Variants in IFT57 observed in about 807,000 individuals in gnomAD.
The protein encoded by IFT57 is intraflagellar transport 57, also known as intraflagellar transport protein 57 homolog.
In IFT57, 59 loss-of-function variants were observed where a neutral mutation model predicts 56.8. That is an observed-to-expected ratio of 1.04 (90% CI 0.84 to 1.29). The LOEUF is 1.29. Ranked by LOEUF, IFT57 falls within the 50% of genes most tolerant of loss-of-function variation. The pLI, the probability that IFT57 is intolerant of heterozygous loss-of-function variation, is 0.00. For missense variants in IFT57, 470 were observed against 522.1 expected (o/e 0.90, Z 0.97); for synonymous variants, 209 against 186.1 (o/e 1.12, Z -1.00).
intron 6 of IFT57, among the ~76,000 whole-genome samples, chr3:108,181,811 T>G (rs770243794): frequency 4.6e-5 from 7 of 152,100 alleles, no homozygotes; most frequent in Non-Finnish European, 8.8e-5. Flanking sequence ...ACCGACTTAT[T>G]GCCACCTGTA....
At chr3:108,215,537 T>C (rs1348010948) in intron 3 of IFT57, among the ~76,000 whole-genome samples, 2 of 152,088 alleles carry the variant, frequency 1.3e-5, no homozygotes, top group Admixed American at 1.3e-4. Context: ...GACCCTGTCT[T>C]AAAAACGAAA....
intron 4 of IFT57, among the ~76,000 whole-genome samples, chr3:108,208,029 C>A (rs2080322760): frequency 7.0e-6 from 1 of 142,172 alleles, no homozygotes; most frequent in African/African-American, 2.7e-5. Context: ...GGCGACAGAG[C>A]GAGACTCCGT....
chr3:108,218,844 AC>A (rs1445174928), intron 2 of IFT57, among the ~76,000 whole-genome samples, 191 bp from the exon 3 acceptor site: 1 of 152,168 alleles, frequency 6.6e-6, no homozygotes, highest in African/African-American at 2.4e-5. Flanking sequence ...ATACTCAAAG[AC>A]TTTTATTGTT....
At chr3:108,198,896 C>T (rs1381252453) in intron 5 of IFT57, among the ~76,000 whole-genome samples, 3 of 152,114 alleles carry the variant, frequency 2.0e-5, no homozygotes, top group Admixed American at 1.3e-4. Context: ...CAGTTTTCCT[C>T]ACTGATTTGC....
rs1402826451 is a variant in IFT57 at position 108,167,793 on chromosome 3, C to T, written c.849G>A (p.Lys283=). Residue 283 remains lysine, a splice_region_variant and synonymous_variant, in exon 7 of 11, where the codon AAG becomes AAA. Transcript: ENST00000264538. ...SGIESALKET[K]GFLDKLHNEI... ...GATTCACGTAAAGTAATTCATATAC[C>T]TTGGTCTCCTTTAGAGCAGATTCAA... The T allele has an allele frequency of 1.9e-6, 3 of 1,557,398 alleles. No individual in the cohort carries two copies. Among genetic ancestry groups the T allele is most frequent in the African/African-American group, 2.8e-5 (2 of 72,432 alleles).
chr3:108,177,913 AATT>A, intron 6 of IFT57, among the ~76,000 whole-genome samples: 1 of 151,988 alleles, frequency 6.6e-6, no homozygotes, highest in Non-Finnish European at 1.5e-5. Context: ...CGAATGACAT[AATT>A]ATAAATCAGA....
intron 4 of IFT57, among the ~76,000 whole-genome samples, chr3:108,209,935 T>TGTGC: frequency 6.6e-6 from 1 of 152,046 alleles, no homozygotes; most frequent in Middle Eastern, 3.4e-3. Context: ...TGTGTGTGTG[T>TGTGC]GTACCTCCTA....
intron 9 of IFT57, among the ~76,000 whole-genome samples, chr3:108,164,921 A>G (rs13318436): frequency 0.096 from 14,624 of 151,822 alleles, 769 homozygotes; most frequent in Middle Eastern, 0.12. Context: ...ATCAGGTCCT[A>G]CCTCTCTTGC....
At chr3:108,179,927 A>G (rs2080143410) in intron 6 of IFT57, among the ~76,000 whole-genome samples, 1 of 151,938 alleles carries the variant, frequency 6.6e-6, no homozygotes, top group Non-Finnish European at 1.5e-5. Context: ...TATGTGTGGT[A>G]TATATTGTGG....
intron 6 of IFT57, among the ~76,000 whole-genome samples, chr3:108,175,350 T>C (rs2080118576): frequency 6.6e-6 from 1 of 151,830 alleles, no homozygotes; most frequent in Non-Finnish European, 1.5e-5. Flanking sequence ...TGAAATCACA[T>C]GTATAATGCT....
intron 5 of IFT57, among the ~76,000 whole-genome samples, chr3:108,205,948 A>C: frequency 2.2e-5 from 2 of 92,064 alleles, no homozygotes; most frequent in Non-Finnish European, 4.6e-5. Context: ...ATATTAGTTT[A>C]TAATATATAA....
Position 108,220,643 on chromosome 3 carries a change from C to T in IFT57, c.213-1071G>A, listed in dbSNP as rs111410761. Among the ~76,000 whole-genome samples, 10 of 152,314 alleles carry T rather than the reference C, an allele frequency of 6.6e-5. 1 individual carries two copies. The highest frequency in any genetic ancestry group is 2.2e-4 in the African/African-American group (9 of 41,578). On this transcript the variant is annotated intron_variant, in intron 1 of 10. Transcript: ENST00000264538. ...GCAGAGGAATGAACACCAATAGATA[C>T]TGTAAACCTAGGACAGTGGTTCCCA...
intron 3 of IFT57, among the ~76,000 whole-genome samples, chr3:108,215,257 A>C (rs573940438): frequency 1.1e-3 from 174 of 152,170 alleles, no homozygotes; most frequent in African/African-American, 3.9e-3. Flanking sequence ...TAGAGAGAAA[A>C]CTTGTATTAA....
At chr3:108,177,131 G>C (rs2080128483) in intron 6 of IFT57, among the ~76,000 whole-genome samples, 1 of 151,836 alleles carries the variant, frequency 6.6e-6, no homozygotes, top group East Asian at 1.9e-4. Flanking sequence ...CAGTTCACTT[G>C]TAATATTTGA....
intron 5 of IFT57, among the ~76,000 whole-genome samples, chr3:108,205,898 ATAAT>A (rs1194034039): frequency 1.2e-4 from 16 of 131,868 alleles, no homozygotes; most frequent in Non-Finnish European, 3.1e-5. Context: ...TTTATAATAC[ATAAT>A]TATATATTAA....
intron 4 of IFT57, among the ~76,000 whole-genome samples, chr3:108,207,771 C>T (rs1297263049): frequency 5.3e-5 from 8 of 152,084 alleles, no homozygotes; most frequent in Admixed American, 2.0e-4. Flanking sequence ...TGGCCGGGCG[C>T]GATGGCTCAC....
intron 10 of IFT57, among the ~76,000 whole-genome samples, chr3:108,163,192 T>A (rs2108306415): frequency 1.3e-5 from 2 of 152,172 alleles, no homozygotes; most frequent in African/African-American, 4.8e-5. Flanking sequence ...GGAGGATGAT[T>A]ACCAGAGGAT....
chr3:108,212,243 T>C (rs369542234), intron 4 of IFT57, among the ~76,000 whole-genome samples: 86 of 152,228 alleles, frequency 5.6e-4, no homozygotes, highest in African/African-American at 2.0e-3. Context: ...GGCATTTTTT[T>C]CTTTTTTCCT....
At chr3:108,202,364 C>T (rs1381768797) in intron 5 of IFT57, among the ~76,000 whole-genome samples, 1 of 152,204 alleles carries the variant, frequency 6.6e-6, no homozygotes, top group Admixed American at 6.5e-5. Context: ...ACTAGCACAC[C>T]TTGCTACCAC....
Sources: allele counts gnomAD v4.1 joint callset (sites outside exome capture counted in the v4.1 genomes callset), GRCh38; gene constraint gnomAD v4.1.1; transcripts MANE v1.5; gene names NCBI Gene and HGNC (gene_info 2026-07-23, HGNC 2026-07-21).